Variants in SNTG1 observed in about 807,000 individuals in gnomAD.
SNTG1 encodes the protein syntrophin gamma 1, also known as gamma-1-syntrophin.
A neutral mutation model predicts 74.7 loss-of-function variants in SNTG1; 39 were observed. The ratio of observed to expected loss-of-function variants is 0.52; its 90% confidence interval spans 0.40 to 0.68. SNTG1 has a LOEUF of 0.68. Ranked by LOEUF, SNTG1 falls within the 30% of genes least tolerant of loss-of-function variation. The pLI is 0.00. For synonymous variants in SNTG1, 254 were observed against 217.1 expected (o/e 1.17, Z -1.49); for missense variants, 685 against 609.5 (o/e 1.12, Z -1.30).
At chr8:50,429,495 A>G (rs1346555917) in intron 4 of SNTG1, among the ~76,000 whole-genome samples, 1 of 152,192 alleles carries the variant, frequency 6.6e-6, no homozygotes, top group African/African-American at 2.4e-5. Flanking sequence ...AACTGCATGA[A>G]AAATCTAAAT....
chr8:50,582,548 G>A (rs1033239503), intron 12 of SNTG1, among the ~76,000 whole-genome samples: 1 of 152,094 alleles, frequency 6.6e-6, no homozygotes, highest in African/African-American at 2.4e-5. Flanking sequence ...GTGTGGGTGT[G>A]TGTGTGTGTA....
chr8:50,352,391 C>G (rs191510732), intron 2 of SNTG1, among the ~76,000 whole-genome samples: 226 of 149,874 alleles, frequency 1.5e-3, no homozygotes, highest in Non-Finnish European at 2.5e-3. Flanking sequence ...TTGGTTCGTT[C>G]TTTCTCTTTT....
At chr8:50,303,799 C>T (rs1458451332) in intron 2 of SNTG1, among the ~76,000 whole-genome samples, 2 of 152,192 alleles carry the variant, frequency 1.3e-5, no homozygotes, top group East Asian at 1.9e-4. Context: ...CTGGACATGG[C>T]AAATGTAGTC....
intron 12 of SNTG1, among the ~76,000 whole-genome samples, chr8:50,578,550 A>C (rs2094589852): frequency 1.3e-5 from 2 of 152,252 alleles, no homozygotes; most frequent in South Asian, 2.1e-4. Context: ...CCCATATCTC[A>C]TCTTGAATTA....
At position 49,969,385 on chromosome 8, in the gene SNTG1, ATCTTTT is replaced by A. The variant is rs1456432704; in HGVS notation, c.-103+57156_-103+57161del. 2.8e-4 allele frequency among the ~76,000 whole-genome samples: 33 copies of A among 116,642 alleles called. No individual in the cohort carries two copies. In the South Asian group the frequency reaches 5.8e-3, roughly 21 times the overall value. The allele number at this position is 116,642 out of a possible 152,430, so 76.5% of individuals were successfully genotyped here. ...GCAAATACACATTTTAATTCATTTA[ATCTTTT>A]TTTTTTTTTTTTTTTTTTTTTTTGA... On this transcript the variant is annotated intron_variant, in intron 1 of 18. Transcript: ENST00000642720.
chr8:50,006,578 A>G (rs1156595433), intron 1 of SNTG1, among the ~76,000 whole-genome samples: 1 of 152,200 alleles, frequency 6.6e-6, no homozygotes, highest in Non-Finnish European at 1.5e-5. Flanking sequence ...GTTTGGATTT[A>G]GCACATAGGT....
At chr8:50,517,558 A>G (rs1209812181) in intron 9 of SNTG1, among the ~76,000 whole-genome samples, 1 of 151,626 alleles carries the variant, frequency 6.6e-6, no homozygotes, top group Admixed American at 6.6e-5. Flanking sequence ...CTCATGTGCA[A>G]AGACACACAT....
rs1054516829 is a variant in SNTG1 at position 50,649,828 on chromosome 8, T to G, written c.850-7081T>G. ...TTTACTATTAATTTAGGTTACTCAG[T>G]AATATAATTTATTTTGGATAAAATT... On this transcript the variant is annotated intron_variant, in intron 13 of 18. Transcript: ENST00000642720. Among the ~76,000 whole-genome samples the G allele has an allele frequency of 5.9e-5, 9 of 152,058 alleles. No individual in the cohort carries two copies. The East Asian group carries it at 1.7e-3, about 29-fold the overall frequency.
chr8:50,435,744 G>T (rs1338286184), intron 4 of SNTG1, among the ~76,000 whole-genome samples: 1 of 152,196 alleles, frequency 6.6e-6, no homozygotes, highest in Non-Finnish European at 1.5e-5. Flanking sequence ...TAATTTGCAT[G>T]TTGTGTGTGT....
chr8:50,098,227 G>T (rs914544311), intron 1 of SNTG1, among the ~76,000 whole-genome samples: 4 of 152,020 alleles, frequency 2.6e-5, no homozygotes, highest in Admixed American at 2.6e-4. Flanking sequence ...TGCTGGTCAA[G>T]AAAAGACCAT....
chr8:50,734,635 C>G (rs1268442655), intron 17 of SNTG1, among the ~76,000 whole-genome samples: 1 of 149,000 alleles, frequency 6.7e-6, no homozygotes, highest in South Asian at 2.1e-4. Flanking sequence ...CTTTCGCTCT[C>G]TCATCTCTTT....
rs767452243 is a variant in SNTG1, at chr8:50,674,769, TGA to T, written c.1038+16109_1038+16110del. Among the ~76,000 whole-genome samples, 207 of 152,202 alleles carry T rather than the reference TGA, an allele frequency of 1.4e-3. 2 individuals carry two copies. The highest frequency in any genetic ancestry group is 0.01 in the Middle Eastern group (3 of 294). The stretch of plus-strand genomic sequence containing the variant: ...TAATTGTGATGTTAGGGTGTAGATT[TGA>T]GATCTTTCTAGCTTTCTGATGTGGG... On this transcript the variant is annotated intron_variant, in intron 15 of 18. Transcript: ENST00000642720.
intron 13 of SNTG1, among the ~76,000 whole-genome samples, chr8:50,593,208 G>A (rs964447105): frequency 5.3e-5 from 8 of 152,056 alleles, no homozygotes; most frequent in Non-Finnish European, 8.8e-5. Context: ...CCTAACCAGA[G>A]AAATTAAAAT....
At chr8:49,996,408 T>G (rs1465795089) in intron 1 of SNTG1, among the ~76,000 whole-genome samples, 1 of 152,026 alleles carries the variant, frequency 6.6e-6, no homozygotes, top group Non-Finnish European at 1.5e-5. Flanking sequence ...TGTTGAAACA[T>G]TCTTTAAAGA....
chr8:50,363,038 T>TA (rs147286653), intron 2 of SNTG1, among the ~76,000 whole-genome samples: 2 of 151,946 alleles, frequency 1.3e-5, no homozygotes, highest in Non-Finnish European at 2.9e-5. Flanking sequence ...TAGCAGAACT[T>TA]AAAAAAAAGA....
In SNTG1 at chr8:50,484,104, C is replaced by CTTTCTTTCTTTG. The variant is rs1587774149; in HGVS notation, c.364-18663_364-18662insGTTTCTTTCTTT. Among the ~76,000 whole-genome samples, 4 of 70,818 alleles carry CTTTCTTTCTTTG rather than the reference C, an allele frequency of 5.6e-5. No homozygotes were observed. In the East Asian group the frequency reaches 9.6e-4, roughly 17 times the overall value. 46.5% of individuals were successfully genotyped at this position (70,818 alleles called of 152,430 possible). On this transcript the variant is annotated intron_variant, in intron 8 of 18. Coordinates refer to ENST00000642720, the MANE Select transcript of SNTG1 (RefSeq NM_018967.5). ...TTTTTCTTTCTCTCTTTCTTTCTCT[C>CTTTCTTTCTTTG]TTTCTTTCTTTCTTTCTTTCTTTCT...
At chr8:49,930,295 T>C (rs892193055) in intron 1 of SNTG1, among the ~76,000 whole-genome samples, 3 of 151,966 alleles carry the variant, frequency 2.0e-5, no homozygotes, top group Admixed American at 2.0e-4. Flanking sequence ...CTTTTTTACA[T>C]TTATATCAGT....
Position 50,165,943 on chromosome 8 carries a change from C to A in SNTG1, c.-102-6618C>A, listed in dbSNP as rs575812538. On this transcript the variant is annotated intron_variant, in intron 1 of 18. Transcript: ENST00000642720. ...CAGAGATATAGATCAATGGAACAGA[C>A]CAGAGCCCTCAGAAATAATGCCGCA... is the stretch of plus-strand genomic sequence containing the variant. 8.7e-3 allele frequency among the ~76,000 whole-genome samples: 1,297 copies of A among 148,268 alleles called. 22 individuals carry two copies. The highest frequency in any genetic ancestry group is 0.03 in the African/African-American group (1,217 of 40,018).
intron 12 of SNTG1, among the ~76,000 whole-genome samples, chr8:50,563,772 G>A (rs1217934508): frequency 1.3e-5 from 2 of 151,970 alleles, no homozygotes; most frequent in Non-Finnish European, 2.9e-5. Flanking sequence ...TTGACTTGTG[G>A]TTTCCTAAAA....
Sources: allele counts gnomAD v4.1 joint callset (sites outside exome capture counted in the v4.1 genomes callset), GRCh38; gene constraint gnomAD v4.1.1; transcripts MANE v1.5; gene names NCBI Gene and HGNC (gene_info 2026-07-23, HGNC 2026-07-21).